The following MACROD2 variants were observed in gnomAD, a reference collection of about 807,000 sequenced individuals.
MACROD2 encodes the protein ADP-ribose glycohydrolase MACROD2.
In MACROD2, 36 loss-of-function variants were observed where a neutral mutation model predicts 70.4. The ratio of observed to expected loss-of-function variants is 0.51; its 90% CI spans 0.39 to 0.68. The LOEUF is 0.68. MACROD2 is among the 30% of genes least tolerant of loss of function. The pLI, the probability that MACROD2 is intolerant of heterozygous loss-of-function variation, is 0.00. For missense variants in MACROD2, 496 were observed against 538.4 expected (o/e 0.92, Z 0.78); for synonymous variants, 172 against 178.8 (o/e 0.96, Z 0.30).
intron 8 of MACROD2, among the ~76,000 whole-genome samples, chr20:15,641,471 G>A (rs1047091953): frequency 3.3e-5 from 5 of 152,154 alleles, no homozygotes; most frequent in East Asian, 1.9e-4. Context: ...GAGAATCCGT[G>A]GTCTTCTCTA....
In MACROD2 at chr20:14,682,500, ATATATGTACG is replaced by A. The variant is rs2070945465; in HGVS notation, c.302-2341_302-2332del. 2.0e-5 allele frequency among the ~76,000 whole-genome samples: 3 copies of A among 151,658 alleles called. No homozygotes were observed. In the South Asian group the frequency reaches 6.2e-4, roughly 31 times the overall value. On this transcript the variant is annotated intron_variant, in intron 4 of 17. Coordinates refer to ENST00000684519, the MANE Select transcript of MACROD2 (RefSeq NM_001351661.2). ...ATATATATGTATATTCAGTACATAT[ATATATGTACG>A]TGTGTGTATATAATGTTGTAAACAA... is the stretch of plus-strand genomic sequence containing the variant.
rs560214729 is a variant in MACROD2, at chr20:14,866,802, C to T, written c.418+181843C>T. On this transcript the variant is annotated intron_variant, in intron 5 of 17. Transcript: ENST00000684519. ...AGGAAGGCATGCCTGAGTGTTTATCCGGGGAGTAAGCAATTTTGTACATAG... is the reference window on the plus strand; with the variant it reads ...AGGAAGGCATGCCTGAGTGTTTATCTGGGGAGTAAGCAATTTTGTACATAG... Among the ~76,000 whole-genome samples the T allele has an allele frequency of 1.1e-3, 165 of 151,898 alleles. No individual in the cohort carries two copies. In the South Asian group the frequency reaches 0.012, roughly 11 times the overall value.
chr20:15,656,535 A>G (rs1477167198), intron 8 of MACROD2, among the ~76,000 whole-genome samples: 7 of 152,206 alleles, frequency 4.6e-5, no homozygotes, highest in African/African-American at 9.7e-5. Context: ...TGAATATTGG[A>G]TAAAGGAGCA....
At chr20:15,674,436 T>C (rs1379020081) in intron 8 of MACROD2, among the ~76,000 whole-genome samples, 1 of 151,984 alleles carries the variant, frequency 6.6e-6, no homozygotes, top group Non-Finnish European at 1.5e-5. Flanking sequence ...TATGAAAGAA[T>C]CTGTGAAATA....
At chr20:14,674,351 C>G (rs1210176816) in intron 4 of MACROD2, among the ~76,000 whole-genome samples, 1 of 152,068 alleles carries the variant, frequency 6.6e-6, no homozygotes, top group African/African-American at 2.4e-5. Context: ...AAGTAGTGAT[C>G]CTAATGAATT....
intron 17 of MACROD2, among the ~76,000 whole-genome samples, chr20:16,048,797 T>G (rs1242458035): frequency 1.3e-5 from 2 of 151,182 alleles, no homozygotes; most frequent in Non-Finnish European, 2.9e-5. Context: ...GCCCCACAAT[T>G]CTGTTCCCGA....
At chr20:14,283,315 C>T (rs2082320560) in intron 3 of MACROD2, among the ~76,000 whole-genome samples, 1 of 152,108 alleles carries the variant, frequency 6.6e-6, no homozygotes, top group Non-Finnish European at 1.5e-5. Flanking sequence ...ATTACCTGCC[C>T]TTCCTTTTAC....
chr20:14,915,341 G>A (rs2077570440), intron 5 of MACROD2, among the ~76,000 whole-genome samples: 1 of 152,172 alleles, frequency 6.6e-6, no homozygotes, highest in African/African-American at 2.4e-5. Context: ...AGCTTAATGT[G>A]TCAAAATGGA....
At chr20:15,458,641 A>ATTTTTTTTT (rs1568823473) in intron 7 of MACROD2, among the ~76,000 whole-genome samples, 1 of 128,750 alleles carries the variant, frequency 7.8e-6, no homozygotes, top group African/African-American at 3.0e-5. Flanking sequence ...TTTTTTTTTA[A>ATTTTTTTTT]AAAAAAAAAA....
chr20:15,427,790 G>C (rs1380971549), intron 6 of MACROD2, among the ~76,000 whole-genome samples: 2 of 152,166 alleles, frequency 1.3e-5, no homozygotes, highest in African/African-American at 4.8e-5. Flanking sequence ...CCTTGAAAAT[G>C]TTGATAGTTG....
intron 5 of MACROD2, among the ~76,000 whole-genome samples, chr20:14,852,995 T>A (rs989365878): frequency 6.6e-6 from 1 of 152,114 alleles, no homozygotes; most frequent in Non-Finnish European, 1.5e-5. Context: ...TGTAGTCTGA[T>A]GAATGTTGCC....
chr20:14,138,476 A>G (rs1345368517), intron 3 of MACROD2, among the ~76,000 whole-genome samples: 1 of 152,164 alleles, frequency 6.6e-6, no homozygotes, highest in East Asian at 1.9e-4. Flanking sequence ...GAAATACATT[A>G]TGTTAAATGA....
intron 8 of MACROD2, among the ~76,000 whole-genome samples, chr20:15,636,076 G>GAAAAAAA (rs57402806): frequency 2.8e-4 from 24 of 85,832 alleles, no homozygotes; most frequent in East Asian, 4.5e-4. Flanking sequence ...CCTCTCAAAA[G>GAAAAAAA]AAAAAAAAAA....
chr20:16,019,003 G>A (rs1428154265), intron 15 of MACROD2, among the ~76,000 whole-genome samples: 1 of 152,122 alleles, frequency 6.6e-6, no homozygotes, highest in East Asian at 1.9e-4. Flanking sequence ...TTCTTTAAGA[G>A]TTTTTCTACT....
chr20:16,026,166 C>CAACA lies in MACROD2; in HGVS notation c.1154-15012_1154-15009dup, dbSNP rs150595872. 5.6e-3 allele frequency among the ~76,000 whole-genome samples: 843 copies of CAACA among 151,482 alleles called. 7 individuals are homozygous for CAACA. The highest frequency in any genetic ancestry group is 0.017 in the Middle Eastern group (5 of 294). ...AAAACTCCATCTCAAAAAAACAAAA[C>CAACA]AACAAACAAACAAACAAACAAACAA... On this transcript the variant is annotated intron_variant, in intron 15 of 17. Coordinates refer to ENST00000684519, the MANE Select transcript of MACROD2 (RefSeq NM_001351661.2).
intron 8 of MACROD2, among the ~76,000 whole-genome samples, chr20:15,647,063 T>G (rs2049559046): frequency 6.6e-6 from 1 of 152,180 alleles, no homozygotes; most frequent in Non-Finnish European, 1.5e-5. Context: ...CACCCATTAC[T>G]TTTTCCACCA....
intron 5 of MACROD2, among the ~76,000 whole-genome samples, chr20:15,155,981 G>C (rs953876665): frequency 6.6e-6 from 1 of 152,168 alleles, no homozygotes; most frequent in Non-Finnish European, 1.5e-5. Flanking sequence ...ATCCTGGTGT[G>C]TGGGTTTTAA....
intron 8 of MACROD2, among the ~76,000 whole-genome samples, chr20:15,821,734 G>A (rs1388025706): frequency 6.6e-6 from 1 of 152,162 alleles, no homozygotes; most frequent in Non-Finnish European, 1.5e-5. Flanking sequence ...GGTACTATAA[G>A]TACTCTAGGG....
chr20:15,461,006 A>ATATATATATATTT, intron 7 of MACROD2, among the ~76,000 whole-genome samples: 11 of 67,010 alleles, frequency 1.6e-4, no homozygotes, highest in Non-Finnish European at 2.3e-4. Context: ...ATATATATAT[A>ATATATATATATTT]TTTTTTTTTA....
Sources: gnomAD v4.1 joint callset for allele counts (sites outside exome capture counted in the v4.1 genomes callset) on GRCh38, gnomAD v4.1.1 for gene constraint, MANE v1.5 for transcripts, NCBI Gene and HGNC (gene_info 2026-07-23, HGNC 2026-07-21) for gene names.